DOCK2: variants seen among roughly 807,000 people sequenced by gnomAD.
DOCK2 encodes dedicator of cytokinesis 2.
A neutral mutation model predicts 248.9 loss-of-function variants in DOCK2; 87 were observed. The ratio of observed to expected loss-of-function variants is 0.35; its 90% CI spans 0.29 to 0.42. The LOEUF is 0.42. Ranked by LOEUF, DOCK2 falls within the 10% of genes least tolerant of loss-of-function variation. The probability of loss-of-function intolerance (pLI) is 1.00; values close to 1 mark genes in which losing one functional copy is unlikely to be tolerated. For synonymous variants in DOCK2, 805 were observed against 821.6 expected (o/e 0.98, Z 0.35); for missense variants, 1,747 against 2,300.2 (o/e 0.76, Z 4.92).
rs1430840525 is a variant in DOCK2 at position 169,684,048 on chromosome 5, TCA to T, written c.607-147_607-146del. 4 of 848,372 alleles carry T rather than the reference TCA, an allele frequency of 4.7e-6. No homozygotes were observed. The East Asian group carries it at 1.0e-4, about 21-fold the overall frequency. 52.6% of individuals were successfully genotyped at this position (848,372 alleles called of 1,614,324 possible). A position where few individuals can be genotyped will look rare whatever the true frequency, so the allele number is the denominator to read the frequency against. On this transcript the variant is annotated intron_variant, in intron 7 of 51. Transcript: ENST00000520908. Reference sequence around the variant, plus strand: ...GCCAAGAGAGTCAAAGCGAATTGATTCAGGTTACAGAAGCTTTTGATGGCAGA... The same window carrying T: ...GCCAAGAGAGTCAAAGCGAATTGATTGGTTACAGAAGCTTTTGATGGCAGA...
intron 25 of DOCK2, among the ~76,000 whole-genome samples, chr5:169,801,146 GTTTTTTTTTTTTT>G (rs60574755): frequency 1.2e-4 from 9 of 76,052 alleles, no homozygotes; most frequent in Admixed American, 6.6e-4. Context: ...ATAGTTTTGG[GTTTTTTTTTTTTT>G]TTTTTTTTTT....
chr5:169,702,195 C>A, intron 13 of DOCK2, 108 bp from the exon 14 acceptor site: 1 of 1,368,312 alleles, frequency 7.3e-7, no homozygotes, highest in Non-Finnish European at 9.9e-7. Flanking sequence ...TTAATTAATA[C>A]CAATCCAGGT....
At chr5:169,948,083 G>A (rs979373435) in intron 27 of DOCK2, among the ~76,000 whole-genome samples, 1 of 151,962 alleles carries the variant, frequency 6.6e-6, no homozygotes, top group Non-Finnish European at 1.5e-5. Flanking sequence ...CGAGAGAAGA[G>A]CCAGGCCACC....
chr5:170,009,553 G>A (rs566552614), intron 32 of DOCK2, among the ~76,000 whole-genome samples: 31 of 152,222 alleles, frequency 2.0e-4, no homozygotes, highest in African/African-American at 7.5e-4. Flanking sequence ...GAACAGTAAT[G>A]AATTTTTTAT....
intron 39 of DOCK2, among the ~76,000 whole-genome samples, chr5:170,046,413 G>T (rs1241201148): frequency 6.6e-6 from 1 of 152,156 alleles, no homozygotes; most frequent in Admixed American, 6.5e-5. Context: ...GTTTGGCGGG[G>T]AGTTGGACTC....
rs540940103 is a variant in DOCK2 at position 170,037,761 on chromosome 5, C to T, written c.3665+1206C>T. Among the ~76,000 whole-genome samples, 10 of 152,304 alleles carry T rather than the reference C, an allele frequency of 6.6e-5. No individual in the cohort carries two copies. The South Asian group carries it at 8.3e-4, about 13-fold the overall frequency. ...TTGGCCTCTCAAAGTGCTGGGATTA[C>T]AGGCGTGAGCCACTGCGTCCGGCCA... On this transcript the variant is annotated intron_variant, in intron 36 of 51. Coordinates refer to ENST00000520908, the MANE Select transcript of DOCK2 (RefSeq NM_004946.3).
chr5:169,873,609 G>A (rs1200292757), intron 27 of DOCK2, among the ~76,000 whole-genome samples: 3 of 152,206 alleles, frequency 2.0e-5, no homozygotes, highest in African/African-American at 7.2e-5. Flanking sequence ...CTGGCTCCAC[G>A]CTGGGACACT....
Position 169,702,167 on chromosome 5 carries a change from C to A in DOCK2, c.1259-136C>A, listed in dbSNP as rs1003709918. The A allele has an allele frequency of 4.4e-6, 5 of 1,132,616 alleles. No homozygotes were observed. The African/African-American group carries it at 7.8e-5, about 18-fold the overall frequency. The allele number at this position is 1,132,616 out of a possible 1,614,324, so 70.2% of individuals were successfully genotyped here. On this transcript the variant is annotated intron_variant, in intron 13 of 51. Transcript: ENST00000520908. ...CTCCCTGATGAGGGAAAAATGCTTTCTCTAAGCAATTCTGATTTTAATTAA... is the reference window on the plus strand; with the variant it reads ...CTCCCTGATGAGGGAAAAATGCTTTATCTAAGCAATTCTGATTTTAATTAA...
chr5:169,738,647 A>G (rs1262278916), intron 22 of DOCK2, among the ~76,000 whole-genome samples: 2 of 152,200 alleles, frequency 1.3e-5, no homozygotes, highest in Non-Finnish European at 2.9e-5. Flanking sequence ...AAAAGAAGCT[A>G]AGTCTTATGG....
At chr5:169,841,895 C>T (rs773395608) in intron 27 of DOCK2, among the ~76,000 whole-genome samples, 11 of 152,194 alleles carry the variant, frequency 7.2e-5, no homozygotes, top group South Asian at 2.1e-4. Flanking sequence ...GTCTCTAGGT[C>T]GTATAACAGC....
intron 44 of DOCK2, among the ~76,000 whole-genome samples, chr5:170,064,167 T>C (rs1355947684): frequency 6.6e-6 from 1 of 152,136 alleles, no homozygotes; most frequent in Admixed American, 6.5e-5. Flanking sequence ...AAGGCCAGTC[T>C]GACAAGACTG....
chr5:170,078,351 C>T (rs551070461), intron 48 of DOCK2, among the ~76,000 whole-genome samples: 1 of 152,164 alleles, frequency 6.6e-6, no homozygotes, highest in South Asian at 2.1e-4. Context: ...AACTTCCCTG[C>T]GGGCCTCAGA....
intron 27 of DOCK2, among the ~76,000 whole-genome samples, chr5:169,866,427 A>G (rs911182642): frequency 6.6e-6 from 1 of 152,246 alleles, no homozygotes; most frequent in Non-Finnish European, 1.5e-5. Context: ...CAAAATGAGT[A>G]GTGCCTACGC....
rs79278654 is a variant in DOCK2, at chr5:169,683,126, T to A, written c.607-1070T>A. Among the ~76,000 whole-genome samples, 1,294 of 152,354 alleles carry A rather than the reference T, an allele frequency of 8.5e-3. 15 individuals carry two copies. The highest frequency in any genetic ancestry group is 0.024 in the Middle Eastern group (7 of 294). On this transcript the variant is annotated intron_variant, in intron 7 of 51. Transcript: ENST00000520908. ...AAATCCTTGTGCGGACATGTTTTAA[T>A]TCCTTTTGGGCAATACTTAGCAGTG... is the stretch of plus-strand genomic sequence containing the variant.
intron 26 of DOCK2, among the ~76,000 whole-genome samples, chr5:169,811,848 G>T (rs976043090): frequency 2.6e-5 from 4 of 152,160 alleles, no homozygotes; most frequent in Non-Finnish European, 5.9e-5. Context: ...TCTACACATC[G>T]CCAGTTAACA....
chr5:169,670,224 A>T (rs905263093), intron 3 of DOCK2, among the ~76,000 whole-genome samples: 1 of 152,176 alleles, frequency 6.6e-6, no homozygotes, highest in Non-Finnish European at 1.5e-5. Flanking sequence ...TTCAAACGAT[A>T]CTGTCTTATA....
chr5:169,945,819 C>T (rs750314606), intron 27 of DOCK2, among the ~76,000 whole-genome samples: 11 of 152,200 alleles, frequency 7.2e-5, no homozygotes, highest in African/African-American at 1.2e-4. Context: ...TGGATTCGCC[C>T]ACGGCCTCCG....
In DOCK2 at chr5:169,901,870, G is replaced by A. The variant is rs141488248; in HGVS notation, c.2799+61018G>A. On this transcript the variant is annotated intron_variant, in intron 27 of 51. Coordinates refer to ENST00000520908, the MANE Select transcript of DOCK2 (RefSeq NM_004946.3). ...TTTGCTTGCATCTGTTGGAGAAGAAGCTACCCCTTCCTCTGCATGGTGGCC... is the reference window on the plus strand; with the variant it reads ...TTTGCTTGCATCTGTTGGAGAAGAAACTACCCCTTCCTCTGCATGGTGGCC... 1.7e-3 allele frequency among the ~76,000 whole-genome samples: 255 copies of A among 152,296 alleles called. 1 individual carries two copies. The highest frequency in any genetic ancestry group is 5.9e-3 in the African/African-American group (244 of 41,560).
intron 27 of DOCK2, among the ~76,000 whole-genome samples, chr5:169,969,309 G>A (rs1348813959): frequency 6.6e-6 from 1 of 152,064 alleles, no homozygotes; most frequent in Non-Finnish European, 1.5e-5. Context: ...GCTGGGTGTG[G>A]TGTGGGGCAC....
Sources: allele counts gnomAD v4.1 joint callset (sites outside exome capture counted in the v4.1 genomes callset), GRCh38; gene constraint gnomAD v4.1.1; transcripts MANE v1.5; gene names NCBI Gene and HGNC (gene_info 2026-07-23, HGNC 2026-07-21).